The following PLXND1 variants were observed in gnomAD, a reference collection of about 807,000 sequenced individuals.
The protein encoded by PLXND1 is plexin D1.
In PLXND1, 54 loss-of-function variants were observed where a neutral mutation model predicts 197.7. That is an observed-to-expected ratio of 0.27 (90% CI 0.22 to 0.34). The LOEUF (loss-of-function observed/expected upper bound fraction) is 0.34. Ranked by LOEUF, PLXND1 falls within the 10% of genes least tolerant of loss-of-function variation. PLXND1 has a pLI of 1.00. For missense variants in PLXND1, 2,127 were observed against 2,699.2 expected (o/e 0.79, Z 4.70); for synonymous variants, 1,180 against 1,161.2 (o/e 1.02, Z -0.33).
chr3:129,560,902 CAGAG>C (rs1456975667), intron 29 of PLXND1, 179 bp from the exon 30 acceptor site: 5 of 685,566 alleles, frequency 7.3e-6, no homozygotes, highest in South Asian at 3.0e-5. Context: ...AAGAGACAGT[CAGAG>C]AGAATGAGAC....
chr3:129,589,307 G>GCCGGGGCCCCCC, intron 2 of PLXND1, 44 bp downstream of exon 2: 3 of 684,692 alleles, frequency 4.4e-6, no homozygotes, highest in Admixed American at 2.3e-5. Context: ...TCCCAGGGGA[G>GCCGGGGCCCCCC]CCTCCCACCC....
intron 29 of PLXND1, chr3:129,561,112 G>T (rs911451652): frequency 1.3e-5 from 6 of 472,776 alleles, no homozygotes; most frequent in Non-Finnish European, 2.5e-5. Context: ...CGGGGGAGGA[G>T]GGGCCCCAGG....
chr3:129,593,556 T>G (rs545831450), intron 1 of PLXND1, among the ~76,000 whole-genome samples: 9 of 152,364 alleles, frequency 5.9e-5, no homozygotes, highest in Non-Finnish European at 1.2e-4. Flanking sequence ...TGGCAGCACA[T>G]GCATGACGTT....
At chr3:129,560,578 C>A in intron 30 of PLXND1, 111 bp downstream of exon 30, 1 of 986,526 alleles carries the variant, frequency 1.0e-6, no homozygotes, top group East Asian at 2.4e-5. Context: ...CCCCACCCCC[C>A]AGCCTTTCGC....
At chr3:129,591,826 C>T (rs2085546199) in intron 1 of PLXND1, among the ~76,000 whole-genome samples, 1 of 152,162 alleles carries the variant, frequency 6.6e-6, no homozygotes, top group African/African-American at 2.4e-5. Flanking sequence ...ACTGACATTT[C>T]CTATCTGCTA....
In PLXND1 at chr3:129,556,359, C is replaced by A. The variant is rs1396658236; in HGVS notation, c.5731G>T (p.Val1911Leu). The change falls in exon 36 of 36, where the codon GTG (valine) becomes TTG (leucine). Residue 1911 changes from valine (V) to leucine (L), a missense_variant. By Grantham distance (32) the Val-to-Leu change is conservative. This residue lies in a region of PLXND1 where 200 missense variants were observed against 303.3 expected (regional missense o/e 0.66). Transcript: ENST00000324093. ...TAGATGTTGTCCTCCATCAAAGCCA[C>A]CACCTGCTCAAACTTGTGCTGCAGT... Reference protein sequence around the residue: ...TQLQHKFEQVVALMEDNIYEC... With the variant: ...TQLQHKFEQVLALMEDNIYEC... 9 of 1,614,090 alleles carry A rather than the reference C, an allele frequency of 5.6e-6. No individual in the cohort carries two copies. Among genetic ancestry groups the A allele is most frequent in the Admixed American group, 1.7e-5 (1 of 60,010 alleles).
rs1358613070 is a variant in PLXND1 at position 129,578,353 on chromosome 3, A to G, written c.2322T>C (p.Pro774=). The change falls in exon 9 of 36, where the codon CCT becomes CCC. Residue 774 remains proline (P), a synonymous_variant. Coordinates refer to ENST00000324093, the MANE Select transcript of PLXND1 (RefSeq NM_015103.3). ...CCTGGAAAAAGGCAGTGTTGGCCAG[A>G]GGCACCAGGATGTTCTGGGAGCCAC... is the stretch of plus-strand genomic sequence containing the variant. The part of the protein sequence containing the change: ...PTGGSQNILV[P]LANTAFFQGA... 6 of 1,605,774 alleles carry G rather than the reference A, an allele frequency of 3.7e-6. No individual in the cohort carries two copies. In the Admixed American group the frequency reaches 1.0e-4, roughly 27 times the overall value.
In PLXND1 at chr3:129,565,808, C is replaced by T. The variant is rs866416544; in HGVS notation, c.4322+79G>A. ...TGGGGGTGTCAAGAGCCCCAGAGCC[C>T]CAGGACCCAGGACCTGATGCTGTGT... On this transcript the variant is annotated intron_variant, in intron 24 of 35. Transcript: ENST00000324093. The T allele has an allele frequency of 6.2e-5, 92 of 1,475,878 alleles. No individual in the cohort carries two copies. The Middle Eastern group carries it at 6.3e-4, about 10-fold the overall frequency. The allele number at this position is 1,475,878 out of a possible 1,614,324, so 91.4% of individuals were successfully genotyped here.
At chr3:129,589,307 G>GCCGGGGC in intron 2 of PLXND1, 44 bp downstream of exon 2, 3 of 684,692 alleles carry the variant, frequency 4.4e-6, no homozygotes, top group Non-Finnish European at 7.7e-6. Flanking sequence ...TCCCAGGGGA[G>GCCGGGGC]CCTCCCACCC....
Position 129,575,558 on chromosome 3 carries a change from TGCA to T in PLXND1, c.2438_2440del (p.Leu813del). 1 of 1,554,718 alleles carries T rather than the reference TGCA, an allele frequency of 6.4e-7. No homozygotes were observed. The highest frequency in any genetic ancestry group is 8.7e-7 in the Non-Finnish European group (1 of 1,148,366). On this transcript the variant is annotated inframe_deletion and splice_region_variant, in exon 11 of 36. Transcript: ENST00000324093. The stretch of plus-strand genomic sequence containing the variant: ...GAACACCTGGCTCTTCCGGGTCGTG[TGCA>T]GCTGCAAAAGGGCAGAAAAGAGCAT...
chr3:129,592,014 C>A (rs2085549142), intron 1 of PLXND1, among the ~76,000 whole-genome samples: 1 of 152,360 alleles, frequency 6.6e-6, no homozygotes. Context: ...CCCAGCCACA[C>A]TGGCCTCATT....
In PLXND1 at chr3:129,606,479, G is replaced by C; in HGVS notation, c.161C>G (p.Pro54Arg). The change falls in exon 1 of 36, where the codon CCC becomes CGC. Residue 54 changes from proline to arginine, a missense_variant. Physicochemically the swap from Pro to Arg is moderately radical, Grantham distance 103. Transcript: ENST00000324093. ...AGALEIQRRF[P>R]SPTPTNNFAL... The stretch of plus-strand genomic sequence containing the variant: ...GAAGTTGTTGGTGGGCGTGGGCGAG[G>C]GGAACCGACGCTGGATCTCCAGGGC... The C allele has an allele frequency of 7.0e-7, 1 of 1,431,364 alleles. No individual in the cohort carries two copies. The highest frequency in any genetic ancestry group is 9.1e-7 in the Non-Finnish European group (1 of 1,095,470). 88.7% of individuals were successfully genotyped at this position (1,431,364 alleles called of 1,614,324 possible). A position where few individuals can be genotyped will look rare whatever the true frequency, so the allele number is the denominator to read the frequency against.
At position 129,555,779 on chromosome 3, in the gene PLXND1, C is replaced by T. The variant is rs575091527; in HGVS notation, c.*533G>A. 1.1e-4 allele frequency: 53 copies of T among 462,038 alleles called. No individual in the cohort carries two copies. Among genetic ancestry groups the T allele is most frequent in the African/African-American group, 1.0e-3 (51 of 48,962 alleles). 28.6% of individuals were successfully genotyped at this position (462,038 alleles called of 1,614,324 possible). A position where few individuals can be genotyped will look rare whatever the true frequency, so the allele number is the denominator to read the frequency against. ...CCGCCCAAGCAACAAAAATCTGACA[C>T]TACTTGAAACTGTCTGTGGCCAGGA... is the stretch of plus-strand genomic sequence containing the variant. On this transcript the variant is annotated 3_prime_UTR_variant, in exon 36 of 36. Coordinates refer to ENST00000324093, the MANE Select transcript of PLXND1 (RefSeq NM_015103.3).
chr3:129,568,115 C>A (rs1251836521), intron 20 of PLXND1, among the ~76,000 whole-genome samples: 2 of 151,956 alleles, frequency 1.3e-5, no homozygotes, highest in East Asian at 3.9e-4. Flanking sequence ...AACAGGAATA[C>A]GTGTGTGTGA....
rs542940633 is a variant in PLXND1, at chr3:129,558,539, G to A, written c.5334C>T (p.Asn1778=). 6 of 1,614,022 alleles carry A rather than the reference G, an allele frequency of 3.7e-6. No homozygotes were observed. The Admixed American group carries it at 6.7e-5, about 18-fold the overall frequency. ...TGTCGATGTCAAAGACAAACTGGGGGTTCTTCAGGATGTTCACCCAGAACC... is the reference window on the plus strand; with the variant it reads ...TGTCGATGTCAAAGACAAACTGGGGATTCTTCAGGATGTTCACCCAGAACC... ...PLRFWVNILK[N]PQFVFDIDKT... Residue 1778 remains asparagine, a synonymous_variant, in exon 33 of 36, where the codon AAC becomes AAT. Coordinates refer to ENST00000324093, the MANE Select transcript of PLXND1 (RefSeq NM_015103.3). This position sits in a 1 kb window ranked among gnomAD's most constrained non-coding sequence, Gnocchi z 4.1.
Position 129,586,645 on chromosome 3 carries a change from A to G in PLXND1, c.1563T>C (p.His521=), listed in dbSNP as rs374399672. 3.7e-5 allele frequency: 59 copies of G among 1,582,708 alleles called. No homozygotes were observed. Among genetic ancestry groups the G allele is most frequent in the Non-Finnish European group, 4.8e-5 (56 of 1,163,906 alleles). Residue 521 remains histidine (H), a synonymous_variant, in exon 3 of 36, where the codon CAT becomes CAC. Transcript: ENST00000324093. ...VTVAYGEPVH[H]VMQFDPADSG... ...AGTCTGCTGGGTCAAACTGCATGAC[A>G]TGGTGCACGGGCTCCCCATAGGCCA...
chr3:129,606,185 C>A lies in PLXND1; in HGVS notation c.455G>T (p.Arg152Leu), dbSNP rs541086419. 59 of 1,552,462 alleles carry A rather than the reference C, an allele frequency of 3.8e-5. No individual in the cohort carries two copies. Among genetic ancestry groups the A allele is most frequent in the Non-Finnish European group, 4.8e-5 (56 of 1,155,992 alleles). Residue 152 changes from arginine (R) to leucine (L), a missense_variant, in exon 1 of 36, where the codon CGC (arginine) becomes CTC (leucine). Around this residue, in one of 6 missense-constraint regions of PLXND1, gnomAD observed 245 missense variants for 267.1 expected, o/e 0.92. Transcript: ENST00000324093. The part of the protein sequence containing the change: ...SIYQGFCQLR[R>L]RGNISAVAVR... The stretch of plus-strand genomic sequence containing the variant: ...GGCCACGGCCGAGATGTTGCCCCGG[C>A]GCCGCAGCTGGCAGAAGCCCTGGTA...
At chr3:129,561,559 G>C (rs1200692813) in intron 29 of PLXND1, 87 bp downstream of exon 29, 20 of 1,036,864 alleles carry the variant, frequency 1.9e-5, no homozygotes, top group Non-Finnish European at 2.3e-5. Context: ...CCTGCCTCTC[G>C]GAGCCTCAGC....
rs769657880 is a variant in PLXND1 at position 129,557,053 on chromosome 3, C to A, written c.5586+30G>T. ...ACCCCCGATCCCTCAGCTCTTCAGG[C>A]CCCCATCCCCCGCCGCCGAGCCACC... On this transcript the variant is annotated intron_variant, in intron 34 of 35. Transcript: ENST00000324093. The surrounding 1 kb of genome is among the most constrained non-coding windows in gnomAD (Gnocchi z 4.8). The A allele has an allele frequency of 1.9e-6, 3 of 1,610,106 alleles. No individual in the cohort carries two copies. The highest frequency in any genetic ancestry group is 3.3e-5 in the Admixed American group (2 of 59,926).
Sources: allele counts gnomAD v4.1 joint callset (sites outside exome capture counted in the v4.1 genomes callset), GRCh38; gene constraint gnomAD v4.1.1; regional missense constraint gnomAD v4.1.1; non-coding constraint Gnocchi (gnomAD v3.1); transcripts MANE v1.5; gene names NCBI Gene and HGNC (gene_info 2026-07-23, HGNC 2026-07-21).